The following PSD3 variants were observed in gnomAD, a reference collection of about 807,000 sequenced individuals.
PSD3 encodes pleckstrin and Sec7 domain containing 3, also known as PH and SEC7 domain-containing protein 3.
PSD3 carries 49 observed loss-of-function variants against 105.5 expected under a neutral mutation model. The observed-to-expected ratio is 0.46, with a 90% CI of 0.37 to 0.59. The LOEUF (loss-of-function observed/expected upper bound fraction) is 0.59. PSD3 is among the 20% of genes least tolerant of loss of function. PSD3 has a pLI of 0.00. For synonymous variants in PSD3, 557 were observed against 457.8 expected (o/e 1.22, Z -2.77); for missense variants, 1,561 against 1,263.8 (o/e 1.24, Z -3.57).
intron 1 of PSD3, among the ~76,000 whole-genome samples, chr8:18,984,994 C>T (rs549576504): frequency 2.6e-5 from 4 of 152,214 alleles, no homozygotes; most frequent in East Asian, 1.9e-4. Flanking sequence ...AGTACGGTAG[C>T]GTCATCTTGG....
intron 12 of PSD3, among the ~76,000 whole-genome samples, chr8:18,577,856 C>T (rs1317182800): frequency 2.0e-5 from 3 of 152,042 alleles, no homozygotes; most frequent in Admixed American, 6.6e-5. Context: ...TATGTTTCCT[C>T]GCTCACCTGC....
At chr8:18,630,967 G>T (rs1380751781) in intron 11 of PSD3, among the ~76,000 whole-genome samples, 1 of 152,012 alleles carries the variant, frequency 6.6e-6, no homozygotes, top group East Asian at 1.9e-4. Flanking sequence ...GAGTGTCCTT[G>T]GATTTTGGTA....
intron 11 of PSD3, among the ~76,000 whole-genome samples, chr8:18,613,345 G>C (rs1805414359): frequency 2.0e-5 from 3 of 152,116 alleles, no homozygotes; most frequent in Admixed American, 6.5e-5. Context: ...TGTTTGCAGG[G>C]GGGAGGAGCC....
chr8:18,581,306 A>C (rs1395328740), intron 12 of PSD3, among the ~76,000 whole-genome samples: 1 of 152,178 alleles, frequency 6.6e-6, no homozygotes, highest in Non-Finnish European at 1.5e-5. Flanking sequence ...CTTTTCTTCC[A>C]TGAACGCTTC....
chr8:18,752,576 AT>A lies in PSD3; in HGVS notation c.2172+12872del, dbSNP rs1225698410. Among the ~76,000 whole-genome samples, 250 of 52,582 alleles carry A rather than the reference AT, an allele frequency of 4.8e-3. 2 individuals carry two copies. Among genetic ancestry groups the A allele is most frequent in the Non-Finnish European group, 6.9e-3 (214 of 31,168 alleles). 34.5% of individuals were successfully genotyped at this position (52,582 alleles called of 152,430 possible). On this transcript the variant is annotated intron_variant, in intron 9 of 15. Coordinates refer to ENST00000327040, the MANE Select transcript of PSD3 (RefSeq NM_015310.4). ...TATAATTATATATATTATATATATA[AT>A]TATATATATTATATATTATATATTA...
rs1189687433 is a variant in PSD3 at position 18,691,491 on chromosome 8, A to G, written c.2173-35806T>C. On this transcript the variant is annotated intron_variant, in intron 9 of 15. Transcript: ENST00000327040. ...TCCGGAGATCAGAAAAACTTACCCT[A>G]TATACCTGAGGCATTATAAACTCTT... Among the ~76,000 whole-genome samples the G allele has an allele frequency of 2.6e-5, 4 of 152,342 alleles. No homozygotes were observed. The East Asian group carries it at 5.8e-4, about 22-fold the overall frequency.
intron 4 of PSD3, chr8:18,849,191 A>G (rs1040395440): frequency 6.6e-6 from 1 of 152,248 alleles, no homozygotes; most frequent in Admixed American, 6.5e-5. Flanking sequence ...GCCAAGTCCT[A>G]AATCAACAGA....
In PSD3 at chr8:18,928,865, C is replaced by G. The variant is rs188226160; in HGVS notation, c.130+7169G>C. Among the ~76,000 whole-genome samples the G allele has an allele frequency of 2.6e-5, 4 of 151,750 alleles. No homozygotes were observed. The East Asian group carries it at 7.8e-4, about 30-fold the overall frequency. ...CCTCTCCTTTCCTCTTCCTCTTGCTCAAGACAAGGTCTCACTATGTTGCCC... is the reference window on the plus strand; with the variant it reads ...CCTCTCCTTTCCTCTTCCTCTTGCTGAAGACAAGGTCTCACTATGTTGCCC... On this transcript the variant is annotated intron_variant, in intron 2 of 15. Coordinates refer to ENST00000327040, the MANE Select transcript of PSD3 (RefSeq NM_015310.4).
chr8:18,934,554 G>T (rs1821979410), intron 2 of PSD3, among the ~76,000 whole-genome samples: 1 of 152,226 alleles, frequency 6.6e-6, no homozygotes, highest in East Asian at 1.9e-4. Flanking sequence ...GTGACTACAG[G>T]CACCTGCCAC....
At chr8:18,946,627 C>A (rs377134853) in intron 1 of PSD3, among the ~76,000 whole-genome samples, 1 of 150,634 alleles carries the variant, frequency 6.6e-6, no homozygotes, top group Non-Finnish European at 1.5e-5. Context: ...TTTCCAGGCA[C>A]GGTGGCTCAC....
chr8:18,614,725 C>T (rs998266271), intron 11 of PSD3, among the ~76,000 whole-genome samples: 1 of 152,042 alleles, frequency 6.6e-6, no homozygotes, highest in Non-Finnish European at 1.5e-5. Flanking sequence ...AATTGCCAGG[C>T]TCAAGCAATC....
intron 9 of PSD3, among the ~76,000 whole-genome samples, chr8:18,715,869 G>C (rs943934191): frequency 1.3e-5 from 2 of 152,222 alleles, no homozygotes; most frequent in Non-Finnish European, 2.9e-5. Context: ...CTATGTGACA[G>C]GCATTGTTCT....
At position 18,881,211 on chromosome 8, in the gene PSD3, T is replaced by C. The variant is rs549814156; in HGVS notation, c.131-8478A>G. On this transcript the variant is annotated intron_variant, in intron 2 of 15. Transcript: ENST00000327040. Reference sequence around the variant, plus strand: ...ACCTTTTTTCTTTTGATTTAGTATATTGAGAAAGAAATGAGATACATTTGA... The same window carrying C: ...ACCTTTTTTCTTTTGATTTAGTATACTGAGAAAGAAATGAGATACATTTGA... Among the ~76,000 whole-genome samples, 10 of 152,274 alleles carry C rather than the reference T, an allele frequency of 6.6e-5. No homozygotes were observed. The South Asian group carries it at 1.2e-3, about 19-fold the overall frequency.
In PSD3 at chr8:18,705,439, G is replaced by A. The variant is rs180968152; in HGVS notation, c.2173-49754C>T. Reference sequence around the variant, plus strand: ...TTAGCTACTTGGGAGGCTGAGGTGGGAGGATGACTTGAGCTTGGGAGGCAG... The same window carrying A: ...TTAGCTACTTGGGAGGCTGAGGTGGAAGGATGACTTGAGCTTGGGAGGCAG... On this transcript the variant is annotated intron_variant, in intron 9 of 15. Transcript: ENST00000327040. Among the ~76,000 whole-genome samples the A allele has an allele frequency of 2.8e-4, 43 of 150,942 alleles. No homozygotes were observed. The East Asian group carries it at 7.7e-3, about 27-fold the overall frequency.
intron 8 of PSD3, among the ~76,000 whole-genome samples, chr8:18,783,217 T>G (rs1281033719): frequency 6.6e-6 from 1 of 152,192 alleles, no homozygotes; most frequent in Non-Finnish European, 1.5e-5. Context: ...TCAGTAGTTT[T>G]TATCTTTCTA....
rs1198366896 is a variant in PSD3, at chr8:18,530,505, C to A, written c.*5238G>T. ...GGTTTGATCTCCCGTAAAACATACA[C>A]AAATACATAAATGATATGGTGGGTA... On this transcript the variant is annotated 3_prime_UTR_variant, in exon 16 of 16. Transcript: ENST00000327040. 3 of 152,602 alleles carry A rather than the reference C, an allele frequency of 2.0e-5. No individual in the cohort carries two copies. Among genetic ancestry groups the A allele is most frequent in the African/African-American group, 4.8e-5 (2 of 41,430 alleles). 9.5% of individuals were successfully genotyped at this position (152,602 alleles called of 1,614,324 possible). A position where few individuals can be genotyped will look rare whatever the true frequency, so the allele number is the denominator to read the frequency against.
chr8:18,762,154 T>C (rs1428527296), intron 9 of PSD3, among the ~76,000 whole-genome samples: 1 of 152,130 alleles, frequency 6.6e-6, no homozygotes, highest in African/African-American at 2.4e-5. Flanking sequence ...GGTGATTGGA[T>C]CAGGAGGGCG....
chr8:18,972,000 C>CA lies in PSD3; in HGVS notation c.22-35859dup, dbSNP rs201808748. On this transcript the variant is annotated intron_variant, in intron 1 of 15. Coordinates refer to ENST00000327040, the MANE Select transcript of PSD3 (RefSeq NM_015310.4). ...AGCCTGGACAACACAGCAAGACTGT[C>CA]AAAAAAAATAAAAATAAACAAAATA... 5.3e-3 allele frequency among the ~76,000 whole-genome samples: 806 copies of CA among 151,294 alleles called. 4 individuals are homozygous for CA. Among genetic ancestry groups the CA allele is most frequent in the Middle Eastern group, 0.014 (4 of 294 alleles).
chr8:18,656,935 C>G (rs1808942353), intron 9 of PSD3, among the ~76,000 whole-genome samples: 1 of 152,154 alleles, frequency 6.6e-6, no homozygotes, highest in Non-Finnish European at 1.5e-5. Context: ...AAATGCATTT[C>G]TAAGGTACAA....
Sources: allele counts gnomAD v4.1 joint callset (sites outside exome capture counted in the v4.1 genomes callset), GRCh38; gene constraint gnomAD v4.1.1; transcripts MANE v1.5; gene names NCBI Gene and HGNC (gene_info 2026-07-23, HGNC 2026-07-21).